The following TSPEAR variants were observed in gnomAD, a reference collection of about 807,000 sequenced individuals.
The protein encoded by TSPEAR is thrombospondin type laminin G domain and EAR repeats.
In TSPEAR, 69 loss-of-function variants were observed where a neutral mutation model predicts 71.6. That is an observed-to-expected ratio of 0.96 (90% CI 0.79 to 1.18). The LOEUF is 1.18. TSPEAR is among the 50% of genes most tolerant of loss of function. The pLI is 0.00. For missense variants in TSPEAR, 971 were observed against 894.9 expected (o/e 1.09, Z -1.09); for synonymous variants, 402 against 387.2 (o/e 1.04, Z -0.45).
At chr21:44,648,244 G>C (rs1257242898) in intron 1 of TSPEAR, among the ~76,000 whole-genome samples, 1 of 152,242 alleles carries the variant, frequency 6.6e-6, no homozygotes, top group African/African-American at 2.4e-5. Flanking sequence ...GACAGTGGGA[G>C]AGGATGAGGC....
intron 2 of TSPEAR, chr21:44,540,166 A>G: frequency 6.2e-7 from 1 of 1,608,988 alleles, no homozygotes; most frequent in Non-Finnish European, 8.5e-7. Flanking sequence ...GGTGGGGAGG[A>G]GGTGAGCTGC....
At chr21:44,664,380 A>C (rs1985644154) in intron 1 of TSPEAR, among the ~76,000 whole-genome samples, 1 of 152,230 alleles carries the variant, frequency 6.6e-6, no homozygotes, top group Non-Finnish European at 1.5e-5. Flanking sequence ...TGGGGGAAAT[A>C]TATAAAATGT....
intron 1 of TSPEAR, among the ~76,000 whole-genome samples, chr21:44,616,545 G>T (rs1437087992): frequency 1.3e-5 from 2 of 152,162 alleles, no homozygotes; most frequent in Non-Finnish European, 2.9e-5. Flanking sequence ...CCTGCCAGGT[G>T]CCTTCCAGAG....
In TSPEAR at chr21:44,681,952, C is replaced by T. The variant is rs539596533; in HGVS notation, c.82+29481G>A. 2.4e-5 allele frequency: 39 copies of T among 1,613,858 alleles called. No homozygotes were observed. The South Asian group carries it at 2.5e-4, about 10-fold the overall frequency. Reference sequence around the variant, plus strand: ...GCATACACGACGGGCCTGCAGCTCACGGGCACGCACACAGAGGACTGGCAT... The same window carrying T: ...GCATACACGACGGGCCTGCAGCTCATGGGCACGCACACAGAGGACTGGCAT... On this transcript the variant is annotated intron_variant, in intron 1 of 11. Coordinates refer to ENST00000323084, the MANE Select transcript of TSPEAR (RefSeq NM_144991.3).
chr21:44,607,573 T>C (rs1601480268), intron 1 of TSPEAR, among the ~76,000 whole-genome samples: 3 of 152,216 alleles, frequency 2.0e-5, no homozygotes, highest in Admixed American at 2.0e-4. Flanking sequence ...GGGAACGGGG[T>C]AAAAATGCCA....
chr21:44,658,036 C>A, intron 1 of TSPEAR: 1 of 1,613,928 alleles, frequency 6.2e-7, no homozygotes, highest in African/African-American at 1.3e-5. Flanking sequence ...TACACAGCCC[C>A]TGCCAGGCAT....
chr21:44,593,634 C>T lies in TSPEAR; in HGVS notation c.83-25629G>A, dbSNP rs1465221538. Reference sequence around the variant, plus strand: ...TTAGGGTTTCGACACAACCACTACCCAGCACTAAAGTTAAAATAGAGACCG... The same window carrying T: ...TTAGGGTTTCGACACAACCACTACCTAGCACTAAAGTTAAAATAGAGACCG... On this transcript the variant is annotated intron_variant, in intron 1 of 11. Transcript: ENST00000323084. This position sits in a 1 kb window ranked among gnomAD's most constrained non-coding sequence, Gnocchi z 5.9. 9.9e-5 allele frequency among the ~76,000 whole-genome samples: 15 copies of T among 152,106 alleles called. No individual in the cohort carries two copies. Among genetic ancestry groups the T allele is most frequent in the African/African-American group, 3.4e-4 (14 of 41,410 alleles).
chr21:44,697,025 C>T lies in TSPEAR; in HGVS notation c.82+14408G>A, dbSNP rs901122976. 15 of 904,580 alleles carry T rather than the reference C, an allele frequency of 1.7e-5. 1 individual carries two copies. Among genetic ancestry groups the T allele is most frequent in the South Asian group, 8.9e-5 (5 of 56,200 alleles). 56.0% of individuals were successfully genotyped at this position (904,580 alleles called of 1,614,324 possible). A position where few individuals can be genotyped will look rare whatever the true frequency, so the allele number is the denominator to read the frequency against. On this transcript the variant is annotated intron_variant, in intron 1 of 11. Transcript: ENST00000323084. ...CCCTCCTTCCCATCCAGCACCCAGA[C>T]GCTCACTCACTCCCTCCCTCCTGCC...
intron 2 of TSPEAR, among the ~76,000 whole-genome samples, chr21:44,557,116 A>G (rs374246976): frequency 5.9e-5 from 9 of 152,220 alleles, no homozygotes; most frequent in African/African-American, 2.2e-4. Context: ...TGCGGCCGGC[A>G]TAATGTGACG....
chr21:44,559,687 T>A (rs2053605683), intron 2 of TSPEAR, among the ~76,000 whole-genome samples: 1 of 152,242 alleles, frequency 6.6e-6, no homozygotes, highest in African/African-American at 2.4e-5. Context: ...CACAAATACC[T>A]ATACACCTGT....
chr21:44,539,206 G>C, intron 2 of TSPEAR: 1 of 1,532,948 alleles, frequency 6.5e-7, no homozygotes, highest in Non-Finnish European at 8.7e-7. Flanking sequence ...ACCCGTCCTA[G>C]GTGGGGGAAG....
rs587626587 is a variant in TSPEAR at position 44,591,566 on chromosome 21, G to A, written c.83-23561C>T. ...GTGGACTTGCACACAGGGTGGCAGA[G>A]GAGGGACACGGAGGAGGAGGATCTG... On this transcript the variant is annotated intron_variant, in intron 1 of 11. Coordinates refer to ENST00000323084, the MANE Select transcript of TSPEAR (RefSeq NM_144991.3). 3.7e-6 allele frequency: 6 copies of A among 1,613,296 alleles called. No individual in the cohort carries two copies. In the East Asian group the frequency reaches 1.3e-4, roughly 36 times the overall value.
At chr21:44,698,862 T>A (rs960217859) in intron 1 of TSPEAR, among the ~76,000 whole-genome samples, 1 of 152,046 alleles carries the variant, frequency 6.6e-6, no homozygotes, top group African/African-American at 2.4e-5. Context: ...TAACAGAAAA[T>A]AGATAAAGCT....
intron 1 of TSPEAR, among the ~76,000 whole-genome samples, chr21:44,678,734 C>T (rs369137283): frequency 9.2e-5 from 14 of 152,182 alleles, no homozygotes; most frequent in African/African-American, 2.7e-4. Context: ...AATCTAAAGA[C>T]TCCACCAAAA....
At position 44,509,765 on chromosome 21, in the gene TSPEAR, C is replaced by T. The variant is rs139283195; in HGVS notation, c.1567-379G>A. The T allele has an allele frequency of 3.2e-3, 807 of 255,236 alleles. 6 individuals carry two copies. The highest frequency in any genetic ancestry group is 7.2e-3 in the Middle Eastern group (5 of 696). The allele number at this position is 255,236 out of a possible 1,614,324, so 15.8% of individuals were successfully genotyped here. On this transcript the variant is annotated intron_variant, in intron 9 of 11. Transcript: ENST00000323084. ...TAGTGCCAGCTGTGCCCAGCCCTGC[C>T]CCTAGCGACCATCTGTGTGACTTGC...
At chr21:44,607,424 T>C (rs1254551769) in intron 1 of TSPEAR, among the ~76,000 whole-genome samples, 1 of 152,164 alleles carries the variant, frequency 6.6e-6, no homozygotes, top group Non-Finnish European at 1.5e-5. Context: ...AAACATCACA[T>C]TATACCTAGT....
Position 44,509,211 on chromosome 21 carries a change from A to G in TSPEAR, c.1742T>C (p.Ile581Thr). The G allele has an allele frequency of 6.2e-7, 1 of 1,613,826 alleles. No homozygotes were observed. The highest frequency in any genetic ancestry group is 1.3e-5 in the African/African-American group (1 of 75,028). Residue 581 changes from isoleucine (I) to threonine (T), a missense_variant, in exon 10 of 12, where the codon ATT becomes ACT. By Grantham distance (89) the Ile-to-Thr change is moderately conservative. Coordinates refer to ENST00000323084, the MANE Select transcript of TSPEAR (RefSeq NM_144991.3). ...TGGAGGCGCATACCTGCAGGTGAGA[A>G]TGTCCTGGAACTTGACAAAGGCCTG... ...TAQAFVKFQD[I>T]LTCSALDWEF...
intron 1 of TSPEAR, chr21:44,637,238 G>A: frequency 1.2e-6 from 1 of 819,880 alleles, no homozygotes; most frequent in South Asian, 1.7e-5. Context: ...CAGAAATAAT[G>A]AGGGTCCTCC....
intron 1 of TSPEAR, among the ~76,000 whole-genome samples, chr21:44,693,749 G>A (rs1371948010): frequency 6.6e-6 from 1 of 151,996 alleles, no homozygotes; most frequent in African/African-American, 2.4e-5. Flanking sequence ...CAACCACTGC[G>A]GAAACATTTT....
Sources: gnomAD v4.1 joint callset for allele counts (sites outside exome capture counted in the v4.1 genomes callset) on GRCh38, gnomAD v4.1.1 for gene constraint, Gnocchi (gnomAD v3.1) non-coding constraint, MANE v1.5 for transcripts, NCBI Gene and HGNC (gene_info 2026-07-23, HGNC 2026-07-21) for gene names.